The following CRADD variants were observed in gnomAD, a reference collection of about 807,000 sequenced individuals.
The protein encoded by CRADD is CARD and death domain containing adaptor protein.
CRADD carries 9 observed loss-of-function variants against 15.5 expected under a neutral mutation model. The observed-to-expected ratio is 0.58, with a 90% CI of 0.35 to 1.01. The LOEUF (loss-of-function observed/expected upper bound fraction) is 1.01, where lower values mean the gene tolerates loss of function less well. CRADD is among the 50% of genes least tolerant of loss of function. The pLI is 0.02. For missense variants in CRADD, 227 were observed against 250.3 expected (o/e 0.91, Z 0.63); for synonymous variants, 118 against 107.6 (o/e 1.10, Z -0.60).
chr12:93,878,841 G>A (rs887877149), intron 2 of CRADD, among the ~76,000 whole-genome samples: 30 of 152,048 alleles, frequency 2.0e-4, no homozygotes, highest in African/African-American at 1.9e-4. Context: ...CTCTTTCATC[G>A]GTATGAAGAT....
intron 2 of CRADD, among the ~76,000 whole-genome samples, chr12:93,683,711 A>T (rs746871044): frequency 1.3e-5 from 2 of 152,248 alleles, no homozygotes; most frequent in Non-Finnish European, 2.9e-5. Context: ...CCCTCCTGAG[A>T]TACATTCTAG....
intron 2 of CRADD, among the ~76,000 whole-genome samples, chr12:93,874,501 T>C (rs973367998): frequency 2.6e-5 from 4 of 152,078 alleles, no homozygotes; most frequent in Non-Finnish European, 5.9e-5. Context: ...CTTGCTTTTC[T>C]AGTTCTTTAA....
intron 2 of CRADD, among the ~76,000 whole-genome samples, chr12:93,740,588 A>G (rs1956650466): frequency 6.6e-6 from 1 of 152,190 alleles, no homozygotes; most frequent in South Asian, 2.1e-4. Flanking sequence ...AATAAGATAA[A>G]TTGGATTCTA....
chr12:93,861,694 C>T (rs1274418477), intron 2 of CRADD, among the ~76,000 whole-genome samples: 1 of 152,230 alleles, frequency 6.6e-6, no homozygotes, highest in Non-Finnish European at 1.5e-5. Flanking sequence ...TTTCCACAGG[C>T]ATTGATTCCA....
At position 93,790,798 on chromosome 12, in the gene CRADD, G is replaced by A. The variant is rs574230500; in HGVS notation, c.299-59172G>A. On this transcript the variant is annotated intron_variant, in intron 2 of 2. Transcript: ENST00000332896. The stretch of plus-strand genomic sequence containing the variant: ...CTCCTGACCTTAGGAATTGACTCTA[G>A]GTCCCAGATTTTGAATTTCTTATGA... The A allele has an allele frequency of 2.9e-4, 44 of 152,054 alleles. 1 individual carries two copies. The highest frequency in any genetic ancestry group is 7.7e-4 in the African/African-American group (32 of 41,498). 9.4% of individuals were successfully genotyped at this position (152,054 alleles called of 1,614,324 possible).
intron 2 of CRADD, among the ~76,000 whole-genome samples, chr12:93,827,560 T>G (rs1269723218): frequency 6.6e-6 from 1 of 152,178 alleles, no homozygotes; most frequent in Non-Finnish European, 1.5e-5. Flanking sequence ...TCTTTTCTCT[T>G]TATTAAACAC....
At chr12:93,722,721 C>T (rs570979479) in intron 2 of CRADD, among the ~76,000 whole-genome samples, 2 of 152,018 alleles carry the variant, frequency 1.3e-5, no homozygotes, top group East Asian at 3.9e-4. Context: ...GCCTATGTGT[C>T]CTTGCATGCT....
intron 2 of CRADD, among the ~76,000 whole-genome samples, chr12:93,720,589 C>T (rs1332444862): frequency 6.6e-6 from 1 of 152,152 alleles, no homozygotes; most frequent in Non-Finnish European, 1.5e-5. Flanking sequence ...TATTTTAATG[C>T]TCTGTTGTTA....
chr12:93,694,604 A>C (rs1049339656), intron 2 of CRADD, among the ~76,000 whole-genome samples: 2 of 152,212 alleles, frequency 1.3e-5, no homozygotes, highest in African/African-American at 2.4e-5. Flanking sequence ...ATTAGAACTA[A>C]TAAATTTAGT....
intron 2 of CRADD, among the ~76,000 whole-genome samples, chr12:93,846,920 G>A (rs1958127845): frequency 6.6e-6 from 1 of 150,464 alleles, no homozygotes; most frequent in Non-Finnish European, 1.5e-5. Flanking sequence ...CTAACACAGT[G>A]AAACCCCATC....
intron 2 of CRADD, among the ~76,000 whole-genome samples, chr12:93,793,226 T>C (rs1456238684): frequency 6.6e-6 from 1 of 152,164 alleles, no homozygotes; most frequent in African/African-American, 2.4e-5. Flanking sequence ...TGCCAGGCAT[T>C]GTGTGGCAAT....
At chr12:93,776,398 CTG>C (rs1957140601) in intron 2 of CRADD, among the ~76,000 whole-genome samples, 1 of 152,042 alleles carries the variant, frequency 6.6e-6, no homozygotes, top group Non-Finnish European at 1.5e-5. Context: ...TTTTTGAAGA[CTG>C]TGTGTATTTA....
At chr12:93,820,548 C>CAA (rs796143867) in intron 2 of CRADD, among the ~76,000 whole-genome samples, 1 of 110,560 alleles carries the variant, frequency 9.0e-6, no homozygotes. Flanking sequence ...GACTCTGTCT[C>CAA]AAAAAAAAAA....
At chr12:93,738,531 T>A in intron 2 of CRADD, 1 of 699,124 alleles carries the variant, frequency 1.4e-6, no homozygotes, top group Non-Finnish European at 2.6e-6. Context: ...ATCCTTCTCT[T>A]GGAAGAAACA....
intron 2 of CRADD, among the ~76,000 whole-genome samples, chr12:93,751,993 G>A (rs565368611): frequency 2.0e-5 from 3 of 152,358 alleles, no homozygotes; most frequent in East Asian, 1.9e-4. Flanking sequence ...ACTTAAGGGT[G>A]GAGGTAGTCG....
At chr12:93,722,571 C>G (rs962459488) in intron 2 of CRADD, among the ~76,000 whole-genome samples, 2 of 152,004 alleles carry the variant, frequency 1.3e-5, no homozygotes, top group African/African-American at 4.8e-5. Context: ...TCTATTGATA[C>G]ATTCTTAAGC....
intron 2 of CRADD, among the ~76,000 whole-genome samples, chr12:93,701,618 A>G (rs891072803): frequency 6.6e-6 from 1 of 152,246 alleles, no homozygotes; most frequent in Non-Finnish European, 1.5e-5. Context: ...TGGGAAGAAA[A>G]GAGTTTCTAG....
At chr12:93,696,939 G>C (rs1413167408) in intron 2 of CRADD, among the ~76,000 whole-genome samples, 19 of 152,122 alleles carry the variant, frequency 1.2e-4, no homozygotes, top group Non-Finnish European at 1.5e-5. Context: ...TCAGGGACTT[G>C]AGCATCCATG....
chr12:93,783,625 G>A (rs900450839), intron 2 of CRADD, among the ~76,000 whole-genome samples: 3 of 152,052 alleles, frequency 2.0e-5, no homozygotes, highest in African/African-American at 7.2e-5. Context: ...AAGAGTAAAA[G>A]CCTATAAATT....
Sources: allele counts gnomAD v4.1 joint callset (sites outside exome capture counted in the v4.1 genomes callset), GRCh38; gene constraint gnomAD v4.1.1; transcripts MANE v1.5; gene names NCBI Gene and HGNC (gene_info 2026-07-23, HGNC 2026-07-21).